The following FLRT1 variants were observed in gnomAD, a reference collection of about 807,000 sequenced individuals.
FLRT1 encodes fibronectin leucine rich transmembrane protein 1.
FLRT1 carries 14 observed loss-of-function variants against 30.9 expected under a neutral mutation model. The observed-to-expected ratio is 0.45, with a 90% CI of 0.30 to 0.71. FLRT1 has a LOEUF of 0.71. FLRT1 is among the 30% of genes least tolerant of loss of function. The pLI, the probability that FLRT1 is intolerant of heterozygous loss-of-function variation, is 0.08. For missense variants in FLRT1, 737 were observed against 949.2 expected (o/e 0.78, Z 2.94); for synonymous variants, 368 against 430.4 (o/e 0.85, Z 1.80).
Position 64,103,864 on chromosome 11 carries a change from C to G in FLRT1, c.-367C>G, listed in dbSNP as rs1311860090. 1.3e-5 allele frequency: 2 copies of G among 152,306 alleles called. No individual in the cohort carries two copies. Among genetic ancestry groups the G allele is most frequent in the Admixed American group, 1.3e-4 (2 of 15,286 alleles). 9.4% of individuals were successfully genotyped at this position (152,306 alleles called of 1,614,324 possible). On this transcript the variant is annotated 5_prime_UTR_variant, in exon 2 of 3. Coordinates refer to ENST00000682287, the MANE Select transcript of FLRT1 (RefSeq NM_013280.5). ...AGGACCCTCACTCTGCAGGGATAAG[C>G]CAGCTGCGCCTGCAGCCTAGGGTGC...
intron 1 of FLRT1, among the ~76,000 whole-genome samples, chr11:64,046,858 T>C (rs907151729): frequency 2.0e-5 from 3 of 152,186 alleles, no homozygotes; most frequent in Non-Finnish European, 4.4e-5. Flanking sequence ...TCCCCATCCC[T>C]GCCTCTCCCC....
At chr11:64,054,492 C>T (rs143280984) in intron 1 of FLRT1, among the ~76,000 whole-genome samples, 33 of 152,242 alleles carry the variant, frequency 2.2e-4, no homozygotes, top group African/African-American at 6.0e-4. Context: ...GCAGTACCCT[C>T]GGCAGCCCTC....
intron 2 of FLRT1, among the ~76,000 whole-genome samples, chr11:64,109,353 G>A (rs1228538628): frequency 2.0e-5 from 3 of 152,162 alleles, no homozygotes; most frequent in Admixed American, 6.5e-5. Flanking sequence ...GCAGTTGGGT[G>A]TAGACACCCA....
intron 1 of FLRT1, among the ~76,000 whole-genome samples, chr11:64,101,863 C>T (rs1944676723): frequency 6.6e-6 from 1 of 152,122 alleles, no homozygotes. Flanking sequence ...CCTAGGGCAG[C>T]TTGTCCCAAG....
chr11:64,040,788 G>A (rs937578443), intron 1 of FLRT1, among the ~76,000 whole-genome samples: 3 of 152,154 alleles, frequency 2.0e-5, no homozygotes, highest in African/African-American at 7.2e-5. Flanking sequence ...GCAGGCAGAG[G>A]GAGAAGGGAG....
intron 1 of FLRT1, among the ~76,000 whole-genome samples, chr11:64,100,148 C>T (rs544191646): frequency 1.3e-5 from 2 of 152,280 alleles, no homozygotes; most frequent in Admixed American, 1.3e-4. Context: ...GCTAGCCATG[C>T]TGTCTTCCCA....
chr11:64,088,039 G>GC, intron 1 of FLRT1, among the ~76,000 whole-genome samples: 1 of 152,294 alleles, frequency 6.6e-6, no homozygotes, highest in African/African-American at 2.4e-5. Context: ...GGCCCTGGTG[G>GC]CCCTGTCACT....
At chr11:64,061,513 C>T (rs1455254513) in intron 1 of FLRT1, among the ~76,000 whole-genome samples, 1 of 152,206 alleles carries the variant, frequency 6.6e-6, no homozygotes, top group African/African-American at 2.4e-5. Context: ...TCCTCCCCGG[C>T]TCTGCACTGT....
At chr11:64,052,670 A>T (rs1490914997) in intron 1 of FLRT1, among the ~76,000 whole-genome samples, 1 of 152,178 alleles carries the variant, frequency 6.6e-6, no homozygotes, top group Admixed American at 6.5e-5. Flanking sequence ...GGCATCCCTG[A>T]TAGTGTTTTG....
At chr11:64,039,023 G>A (rs926780445) in intron 1 of FLRT1, among the ~76,000 whole-genome samples, 2 of 152,206 alleles carry the variant, frequency 1.3e-5, no homozygotes, top group Non-Finnish European at 2.9e-5. Context: ...CGTTCACTGT[G>A]GGCCAAGGGC....
In FLRT1 at chr11:64,117,765, A is replaced by C. The variant is rs1232092940; in HGVS notation, c.1498A>C (p.Lys500Gln). The change falls in exon 3 of 3, where the codon AAG becomes CAG. Residue 500 changes from lysine (K) to glutamine (Q), a missense_variant. Lys to Gln is a moderately conservative substitution (Grantham distance 53). Transcript: ENST00000682287. Reference sequence around the variant, plus strand: ...GTACCTGCTGACAGCCCTGGAGCCCAAGTCCACCTACATCATCTGCATGGT... The same window carrying C: ...GTACCTGCTGACAGCCCTGGAGCCCCAGTCCACCTACATCATCTGCATGGT... Reference protein sequence around the residue: ...TEYLLTALEPKSTYIICMVTM... With the variant: ...TEYLLTALEPQSTYIICMVTM... 6.2e-7 allele frequency: 1 copy of C among 1,614,116 alleles called. No individual in the cohort carries two copies. The highest frequency in any genetic ancestry group is 8.5e-7 in the Non-Finnish European group (1 of 1,180,050).
rs1944981360 is a variant in FLRT1 at position 64,116,377 on chromosome 11, T to A, written c.110T>A (p.Leu37His). ...ATGGACCTGCGGGACTGGCTGTTCC[T>A]CTGCTACGGGCTCATCGCCTTCCTG... ...ATMDLRDWLFLCYGLIAFLTE... is the reference protein window; with the variant it reads ...ATMDLRDWLFHCYGLIAFLTE... The change falls in exon 3 of 3, where the codon CTC becomes CAC. Residue 37 changes from leucine to histidine, a missense_variant. Physicochemically the swap from Leu to His is moderately conservative, Grantham distance 99 (BLOSUM62 -3). Transcript: ENST00000682287. The A allele has an allele frequency of 6.2e-7, 1 of 1,613,614 alleles. No individual in the cohort carries two copies. Among genetic ancestry groups the A allele is most frequent in the Admixed American group, 1.7e-5 (1 of 59,992 alleles).
chr11:64,042,606 G>A (rs1943509316), intron 1 of FLRT1, among the ~76,000 whole-genome samples: 1 of 152,086 alleles, frequency 6.6e-6, no homozygotes, highest in Non-Finnish European at 1.5e-5. Context: ...AGGCCTGTGG[G>A]GGTCTTGGAA....
intron 1 of FLRT1, among the ~76,000 whole-genome samples, chr11:64,085,609 C>T (rs866503135): frequency 5.3e-5 from 8 of 152,224 alleles, no homozygotes; most frequent in Admixed American, 2.6e-4. Flanking sequence ...GCCAGCACAG[C>T]GACAGCCTTG....
At chr11:64,058,613 GC>G (rs1943837607) in intron 1 of FLRT1, among the ~76,000 whole-genome samples, 1 of 152,246 alleles carries the variant, frequency 6.6e-6, no homozygotes, top group Admixed American at 6.5e-5. Context: ...AGCGGGCACG[GC>G]CCTGTAATTG....
intron 2 of FLRT1, among the ~76,000 whole-genome samples, chr11:64,106,078 T>C (rs1172222849): frequency 4.0e-5 from 6 of 151,734 alleles, no homozygotes; most frequent in Admixed American, 2.0e-4. Context: ...TCCATATCAG[T>C]GGGGGTGAGG....
chr11:64,100,305 C>T (rs1444692772), intron 1 of FLRT1, among the ~76,000 whole-genome samples: 2 of 152,204 alleles, frequency 1.3e-5, no homozygotes, highest in African/African-American at 4.8e-5. Context: ...TCCCTCCTTT[C>T]AAATTTCTTT....
intron 1 of FLRT1, among the ~76,000 whole-genome samples, chr11:64,066,510 T>A (rs1372428220): frequency 6.6e-6 from 1 of 151,678 alleles, no homozygotes; most frequent in Non-Finnish European, 1.5e-5. Context: ...TCCCAGCTAC[T>A]CCAGAGGCTG....
At position 64,119,119 on chromosome 11, in the gene FLRT1, G is replaced by A. The variant is rs371295930; in HGVS notation, c.*827G>A. The A allele has an allele frequency of 9.6e-5, 16 of 167,134 alleles. No homozygotes were observed. Among genetic ancestry groups the A allele is most frequent in the South Asian group, 2.1e-4 (1 of 4,822 alleles). The allele number at this position is 167,134 out of a possible 1,614,324, so 10.4% of individuals were successfully genotyped here. ...TAGAGCCACATGCACGGTCCTTACC[G>A]TTCTTCTTGGGTCAGTTCTTACCAT... On this transcript the variant is annotated 3_prime_UTR_variant, in exon 3 of 3. Coordinates refer to ENST00000682287, the MANE Select transcript of FLRT1 (RefSeq NM_013280.5).
Sources: allele counts gnomAD v4.1 joint callset (sites outside exome capture counted in the v4.1 genomes callset), GRCh38; gene constraint gnomAD v4.1.1; transcripts MANE v1.5; gene names NCBI Gene and HGNC (gene_info 2026-07-23, HGNC 2026-07-21).